The following HPSE2 variants were observed in gnomAD, a reference collection of about 807,000 sequenced individuals.
The protein encoded by HPSE2 is inactive heparanase-2.
HPSE2 carries 38 observed loss-of-function variants against 60.5 expected under a neutral mutation model. That is an observed-to-expected ratio of 0.63 (90% confidence interval 0.48 to 0.82). HPSE2 has a LOEUF of 0.82. Ranked by LOEUF, HPSE2 falls within the 40% of genes least tolerant of loss-of-function variation. The pLI, the probability that HPSE2 is intolerant of heterozygous loss-of-function variation, is 0.00. For synonymous variants in HPSE2, 295 were observed against 293.2 expected (o/e 1.01, Z -0.06); for missense variants, 713 against 740.4 (o/e 0.96, Z 0.43).
intron 3 of HPSE2, among the ~76,000 whole-genome samples, chr10:98,913,093 A>C (rs1954025584): frequency 1.3e-5 from 2 of 152,198 alleles, no homozygotes; most frequent in Admixed American, 6.5e-5. Context: ...AAATAAAATA[A>C]ATAAAATACA....
intron 3 of HPSE2, among the ~76,000 whole-genome samples, chr10:99,108,927 G>C (rs1471997870): frequency 6.6e-6 from 1 of 152,138 alleles, no homozygotes; most frequent in Non-Finnish European, 1.5e-5. Context: ...CCCCAGGCAA[G>C]TTAGTCTGAG....
intron 2 of HPSE2, among the ~76,000 whole-genome samples, chr10:99,187,845 T>A (rs1163422168): frequency 2.0e-5 from 3 of 152,178 alleles, no homozygotes; most frequent in Admixed American, 6.5e-5. Flanking sequence ...CTTAAAAAGT[T>A]AAACATATAC....
the HPSE2 span, among the ~76,000 whole-genome samples, chr10:99,266,312 T>C: frequency 2.0e-5 from 3 of 152,082 alleles, no homozygotes; most frequent in East Asian, 5.8e-4. Flanking sequence ...TGTGGCGGCA[T>C]GGTGGGAATG....
intron 9 of HPSE2, among the ~76,000 whole-genome samples, chr10:98,528,314 G>C (rs962438718): frequency 2.6e-5 from 4 of 152,138 alleles, no homozygotes; most frequent in Non-Finnish European, 2.9e-5. Flanking sequence ...TAGTTCATTT[G>C]ACTGGCTTAG....
intron 5 of HPSE2, among the ~76,000 whole-genome samples, chr10:98,712,481 C>A (rs1457062413): frequency 2.0e-5 from 3 of 151,992 alleles, no homozygotes; most frequent in Non-Finnish European, 4.4e-5. Flanking sequence ...GCTTTCATAC[C>A]TACCCATGCT....
At chr10:98,880,509 C>A (rs1289736021) in intron 3 of HPSE2, among the ~76,000 whole-genome samples, 2 of 152,058 alleles carry the variant, frequency 1.3e-5, no homozygotes, top group South Asian at 2.1e-4. Flanking sequence ...AGACTTGTGA[C>A]TTTGTCACTT....
chr10:98,824,783 A>G (rs545354933), intron 3 of HPSE2, among the ~76,000 whole-genome samples: 1 of 152,308 alleles, frequency 6.6e-6, no homozygotes, highest in Non-Finnish European at 1.5e-5. Context: ...AAAACCCCTC[A>G]AGTCACAGGT....
chr10:99,070,943 T>C (rs923870537), intron 3 of HPSE2, among the ~76,000 whole-genome samples: 7 of 152,346 alleles, frequency 4.6e-5, no homozygotes, highest in African/African-American at 1.4e-4. Flanking sequence ...TCCACATCTG[T>C]TGTTGTGAAT....
Position 98,995,602 on chromosome 10 carries a change from C to G in HPSE2, c.610+148636G>C, listed in dbSNP as rs143163034. The stretch of plus-strand genomic sequence containing the variant: ...CATAGGAACCCTATTATACTTCCCC[C>G]TTAAGATAAATATTCTATTCACTTC... On this transcript the variant is annotated intron_variant, in intron 3 of 11. Coordinates refer to ENST00000370552, the MANE Select transcript of HPSE2 (RefSeq NM_021828.5). Among the ~76,000 whole-genome samples the G allele has an allele frequency of 2.5e-3, 384 of 152,186 alleles. 2 individuals are homozygous for G. The highest frequency in any genetic ancestry group is 0.02 in the Middle Eastern group (6 of 294).
chr10:98,998,700 C>T (rs1339388017), intron 3 of HPSE2, among the ~76,000 whole-genome samples: 1 of 152,206 alleles, frequency 6.6e-6, no homozygotes, highest in Non-Finnish European at 1.5e-5. Context: ...CTTGAATTTC[C>T]ATGCCTCCCC....
At chr10:98,736,421 T>C (rs1949360286) in intron 4 of HPSE2, among the ~76,000 whole-genome samples, 1 of 152,146 alleles carries the variant, frequency 6.6e-6, no homozygotes, top group Non-Finnish European at 1.5e-5. Flanking sequence ...TCTGTAACTA[T>C]CTAACTGTGA....
At chr10:98,933,222 C>T (rs1025851352) in intron 3 of HPSE2, among the ~76,000 whole-genome samples, 4 of 135,994 alleles carry the variant, frequency 2.9e-5, no homozygotes, top group African/African-American at 1.3e-4. Flanking sequence ...TCATTATTTA[C>T]CCCAGAGTCA....
chr10:98,680,043 C>T (rs1947745702), intron 6 of HPSE2, among the ~76,000 whole-genome samples: 1 of 152,112 alleles, frequency 6.6e-6, no homozygotes, highest in Non-Finnish European at 1.5e-5. Context: ...AGAAAAGCAT[C>T]TTAGAGGGTA....
At chr10:99,070,083 C>T (rs1264037417) in intron 3 of HPSE2, among the ~76,000 whole-genome samples, 2 of 152,074 alleles carry the variant, frequency 1.3e-5, no homozygotes, top group African/African-American at 2.4e-5. Flanking sequence ...AATGTAATAA[C>T]ACCAAAAGCA....
At chr10:98,952,840 A>G (rs372225431) in intron 3 of HPSE2, among the ~76,000 whole-genome samples, 2 of 152,010 alleles carry the variant, frequency 1.3e-5, no homozygotes, top group East Asian at 3.9e-4. Context: ...CACCAATCCT[A>G]TTGGAATAGG....
chr10:98,637,267 T>C (rs1946522813), intron 7 of HPSE2, among the ~76,000 whole-genome samples: 1 of 152,216 alleles, frequency 6.6e-6, no homozygotes, highest in Non-Finnish European at 1.5e-5. Context: ...TTTTAGCAAT[T>C]GAGTCATTGT....
chr10:98,957,020 C>T (rs1027701513), intron 3 of HPSE2, among the ~76,000 whole-genome samples: 1 of 152,216 alleles, frequency 6.6e-6, no homozygotes. Context: ...TGTTGCATTC[C>T]AAGAGTGATG....
intron 2 of HPSE2, among the ~76,000 whole-genome samples, chr10:99,175,219 G>GA (rs1343800714): frequency 6.6e-6 from 1 of 152,150 alleles, no homozygotes; most frequent in Non-Finnish European, 1.5e-5. Flanking sequence ...AGCTGCAGGA[G>GA]TTTTTTTGTT....
intron 6 of HPSE2, among the ~76,000 whole-genome samples, chr10:98,656,778 T>G (rs522369): frequency 0.19 from 28,574 of 149,504 alleles, 2,767 homozygotes; most frequent in East Asian, 0.32. Context: ...TTTTTTTTTT[T>G]GGGATGGAGT....
Sources: gnomAD v4.1 joint callset for allele counts (sites outside exome capture counted in the v4.1 genomes callset) on GRCh38, gnomAD v4.1.1 for gene constraint, MANE v1.5 for transcripts, NCBI Gene and HGNC (gene_info 2026-07-23, HGNC 2026-07-21) for gene names.